The following PDE4D variants were observed in gnomAD, a reference collection of about 807,000 sequenced individuals.
PDE4D encodes phosphodiesterase 4D, also known as 3',5'-cyclic-AMP phosphodiesterase 4D.
Under a neutral mutation model 87.4 loss-of-function variants are expected in PDE4D, and 24 were observed. The ratio of observed to expected loss-of-function variants is 0.27; its 90% CI spans 0.20 to 0.39. The LOEUF (loss-of-function observed/expected upper bound fraction) is 0.39. PDE4D is among the 10% of genes least tolerant of loss of function. PDE4D has a pLI of 1.00. For synonymous variants in PDE4D, 384 were observed against 383.2 expected, an observed-to-expected ratio of 1.00 and a Z score of -0.02; for missense variants, 714 against 1,041.0, an observed-to-expected ratio of 0.69 and a Z score of 4.32.
intron 1 of PDE4D, among the ~76,000 whole-genome samples, chr5:59,291,982 CA>C (rs1768126997): frequency 6.6e-6 from 1 of 151,348 alleles, no homozygotes; most frequent in African/African-American, 2.4e-5. Flanking sequence ...GATATTTTTG[CA>C]AAAAAGTTGA....
intron 1 of PDE4D, among the ~76,000 whole-genome samples, chr5:59,636,526 C>T (rs1003381175): frequency 1.3e-5 from 2 of 152,110 alleles, no homozygotes; most frequent in East Asian, 3.9e-4. Flanking sequence ...ACAGTAACCA[C>T]AACAGCATGC....
chr5:59,370,481 A>C (rs530945674), intron 1 of PDE4D, among the ~76,000 whole-genome samples: 30 of 152,340 alleles, frequency 2.0e-4, no homozygotes, highest in Admixed American at 6.5e-4. Context: ...GGAAAAATGC[A>C]TAATTCACTC....
At chr5:59,312,917 A>G (rs1232745886) in intron 1 of PDE4D, among the ~76,000 whole-genome samples, 1 of 152,110 alleles carries the variant, frequency 6.6e-6, no homozygotes, top group African/African-American at 2.4e-5. Flanking sequence ...AGGCTACTGG[A>G]GAAGGAATTT....
chr5:59,193,333 A>C (rs994672294), intron 3 of PDE4D, among the ~76,000 whole-genome samples, 167 bp downstream of exon 3: 7 of 152,360 alleles, frequency 4.6e-5, no homozygotes, highest in African/African-American at 1.7e-4. Context: ...TAATATAGCC[A>C]AAGTCACTTT....
intron 1 of PDE4D, among the ~76,000 whole-genome samples, chr5:60,242,217 G>A (rs1747210090): frequency 6.6e-6 from 1 of 151,924 alleles, no homozygotes; most frequent in African/African-American, 2.4e-5. Flanking sequence ...CACAAAAACT[G>A]TAAGAAAAGA....
At chr5:59,288,204 C>T (rs1208818448) in intron 1 of PDE4D, among the ~76,000 whole-genome samples, 2 of 151,962 alleles carry the variant, frequency 1.3e-5, no homozygotes, top group Non-Finnish European at 2.9e-5. Context: ...CAAGATAACA[C>T]ACAGAAGGAA....
chr5:59,446,956 C>G (rs551104056), intron 1 of PDE4D, among the ~76,000 whole-genome samples: 3 of 152,128 alleles, frequency 2.0e-5, no homozygotes, highest in African/African-American at 7.2e-5. Context: ...AAATAGTTAT[C>G]GCTTTCACAT....
intron 1 of PDE4D, among the ~76,000 whole-genome samples, chr5:59,616,229 C>A (rs1829650575): frequency 6.6e-6 from 1 of 151,854 alleles, no homozygotes; most frequent in South Asian, 2.1e-4. Flanking sequence ...GCAAATTACA[C>A]CCATTTCCAA....
chr5:60,422,918 T>C (rs1743265550), intron 1 of PDE4D, among the ~76,000 whole-genome samples: 1 of 152,140 alleles, frequency 6.6e-6, no homozygotes, highest in South Asian at 2.1e-4. Flanking sequence ...AAACAGACTT[T>C]AAGCCAACAA....
chr5:60,327,470 G>A (rs1016624908), intron 1 of PDE4D, among the ~76,000 whole-genome samples: 2 of 151,888 alleles, frequency 1.3e-5, no homozygotes, highest in African/African-American at 2.4e-5. Context: ...TGCCCTTTTT[G>A]CATCTGCTGT....
intron 1 of PDE4D, among the ~76,000 whole-genome samples, chr5:60,203,791 A>G (rs1035625244): frequency 2.0e-5 from 3 of 152,210 alleles, no homozygotes; most frequent in African/African-American, 7.2e-5. Flanking sequence ...GATAGGATGT[A>G]ATATTTATGC....
intron 5 of PDE4D, among the ~76,000 whole-genome samples, chr5:59,090,317 T>C (rs1768465749): frequency 6.6e-6 from 1 of 152,156 alleles, no homozygotes; most frequent in African/African-American, 2.4e-5. Flanking sequence ...CCATGTCTAG[T>C]CCATAGGCAT....
intron 1 of PDE4D, among the ~76,000 whole-genome samples, chr5:59,813,484 A>C (rs1768609581): frequency 1.1e-5 from 1 of 87,134 alleles, no homozygotes; most frequent in African/African-American, 3.1e-5. Flanking sequence ...ACACACACAT[A>C]TGCCTGTCAT....
intron 2 of PDE4D, among the ~76,000 whole-genome samples, chr5:60,132,503 T>G (rs1779672115): frequency 6.6e-6 from 1 of 152,090 alleles, no homozygotes. Flanking sequence ...TAAAAAATAA[T>G]AGAATCAGTA....
Position 60,054,052 on chromosome 5 carries a change from C to T in PDE4D, c.43-65335G>A, listed in dbSNP as rs142353116. Among the ~76,000 whole-genome samples the T allele has an allele frequency of 6.6e-3, 1,001 of 151,876 alleles. 14 individuals carry two copies. The highest frequency in any genetic ancestry group is 0.023 in the African/African-American group (965 of 41,418). On this transcript the variant is annotated intron_variant, in intron 2 of 16. Transcript: ENST00000502484. Reference sequence around the variant, plus strand: ...TGGAAACAACAGATGCTGGAGAGGACGTGGAGAAAAAGGAATGCTTTTACA... The same window carrying T: ...TGGAAACAACAGATGCTGGAGAGGATGTGGAGAAAAAGGAATGCTTTTACA...
chr5:60,350,682 C>T (rs1049096381), intron 1 of PDE4D, among the ~76,000 whole-genome samples: 1 of 152,100 alleles, frequency 6.6e-6, no homozygotes, highest in African/African-American at 2.4e-5. Context: ...GGCCAAATGG[C>T]CTAACTATTC....
intron 1 of PDE4D, among the ~76,000 whole-genome samples, chr5:60,279,576 G>T (rs1460701487): frequency 2.0e-5 from 3 of 151,928 alleles, no homozygotes; most frequent in Admixed American, 6.6e-5. Context: ...TAAAAGTTTT[G>T]TCTTGTTAGG....
intron 1 of PDE4D, among the ~76,000 whole-genome samples, chr5:60,185,881 A>T (rs1365093310): frequency 1.3e-5 from 2 of 150,930 alleles, no homozygotes; most frequent in African/African-American, 4.9e-5. Context: ...TAAGTTAGAG[A>T]TTTCAAGCAC....
intron 1 of PDE4D, among the ~76,000 whole-genome samples, chr5:59,596,834 T>C (rs1279315875): frequency 2.0e-5 from 3 of 152,064 alleles, no homozygotes; most frequent in Admixed American, 1.3e-4. Flanking sequence ...CTAAGTGAAA[T>C]TGAGACTCTA....
Sources: gnomAD v4.1 joint callset for allele counts (sites outside exome capture counted in the v4.1 genomes callset) on GRCh38, gnomAD v4.1.1 for gene constraint, MANE v1.5 for transcripts, NCBI Gene and HGNC (gene_info 2026-07-23, HGNC 2026-07-21) for gene names.